The following STOX2 variants were observed in gnomAD, a reference collection of about 807,000 sequenced individuals.
STOX2 encodes the protein storkhead-box protein 2.
STOX2 carries 28 observed loss-of-function variants against 60.9 expected under a neutral mutation model. The observed-to-expected ratio is 0.46, with a 90% CI of 0.34 to 0.63. STOX2 has a LOEUF of 0.63. Among genes scored for constraint, STOX2 ranks in the 30% least tolerant of loss-of-function variants. STOX2 has a pLI of 0.01. For missense variants in STOX2, 1,024 were observed against 1,187.7 expected (o/e 0.86, Z 2.03); for synonymous variants, 472 against 463.9 (o/e 1.02, Z -0.22).
intron 1 of STOX2, among the ~76,000 whole-genome samples, chr4:183,876,474 TTATGG>T (rs903702584): frequency 1.3e-4 from 20 of 152,202 alleles, no homozygotes; most frequent in Admixed American, 1.3e-3. Context: ...TATTCCTTGT[TTATGG>T]TATTAATAAC....
chr4:183,879,860 A>G (rs570051713), intron 1 of STOX2, among the ~76,000 whole-genome samples: 12 of 152,170 alleles, frequency 7.9e-5, no homozygotes, highest in South Asian at 4.2e-4. Flanking sequence ...GCGCATGGCA[A>G]TGAGAGGCGA....
chr4:183,908,600 T>TTTG (rs941374997), intron 1 of STOX2, among the ~76,000 whole-genome samples: 2 of 151,654 alleles, frequency 1.3e-5, no homozygotes, highest in African/African-American at 2.4e-5. Flanking sequence ...CAGTTTTTTT[T>TTTG]TTTTTTTTTT....
Position 184,009,558 on chromosome 4 carries a change from C to A in STOX2, c.720C>A (p.Ser240Arg). The A allele has an allele frequency of 6.2e-7, 1 of 1,613,860 alleles. No individual in the cohort carries two copies. Among genetic ancestry groups the A allele is most frequent in the Non-Finnish European group, 8.5e-7 (1 of 1,179,826 alleles). Residue 240 changes from serine (S) to arginine (R), a missense_variant, in exon 3 of 4, where the codon AGC becomes AGA. Ser to Arg is a moderately radical substitution (Grantham distance 110). This residue lies in a region of STOX2 where 922 missense variants were observed against 1,058.3 expected (regional missense o/e 0.87). Transcript: ENST00000308497. This position sits in a 1 kb window ranked among gnomAD's most constrained non-coding sequence, Gnocchi z 4.0. Reference protein sequence around the residue: ...SLCQVPPTEKSKSTVNFSYKT... With the variant: ...SLCQVPPTEKRKSTVNFSYKT... ...GCCAGGTGCCACCCACTGAAAAGAGCAAAAGTACTGTAAATTTTTCCTATA... is the reference window on the plus strand; with the variant it reads ...GCCAGGTGCCACCCACTGAAAAGAGAAAAAGTACTGTAAATTTTTCCTATA...
intron 3 of STOX2, chr4:184,014,257 G>A (rs933464360): frequency 1.3e-5 from 2 of 152,066 alleles, no homozygotes; most frequent in African/African-American, 2.4e-5. Flanking sequence ...TAAAGGGTAT[G>A]TAGAAGGAAA....
At chr4:183,817,947 C>T (rs1404905166) in intron 1 of STOX2, among the ~76,000 whole-genome samples, 1 of 152,048 alleles carries the variant, frequency 6.6e-6, no homozygotes, top group African/African-American at 2.4e-5. Context: ...CCCCACCTCA[C>T]GCAGCAGAAC....
At chr4:183,965,188 T>A (rs1414041736) in intron 1 of STOX2, among the ~76,000 whole-genome samples, 2 of 152,242 alleles carry the variant, frequency 1.3e-5, no homozygotes, top group East Asian at 3.8e-4. Flanking sequence ...ACAAGGCATG[T>A]GGAATGGTGA....
At chr4:183,931,630 G>A (rs181995943) in intron 1 of STOX2, among the ~76,000 whole-genome samples, 6 of 152,280 alleles carry the variant, frequency 3.9e-5, no homozygotes, top group Admixed American at 6.5e-5. Flanking sequence ...TCACTATACC[G>A]TAAAGGTAGT....
chr4:183,936,520 C>T (rs181689570), intron 1 of STOX2, among the ~76,000 whole-genome samples: 2 of 151,176 alleles, frequency 1.3e-5, no homozygotes, highest in African/African-American at 2.4e-5. Flanking sequence ...ACCAAAGTTG[C>T]TCAAAATTGG....
intron 1 of STOX2, among the ~76,000 whole-genome samples, chr4:183,961,448 G>T (rs931293066): frequency 6.6e-6 from 1 of 152,206 alleles, no homozygotes; most frequent in Non-Finnish European, 1.5e-5. Flanking sequence ...CGGCATGTGA[G>T]GAAGCTGGAT....
chr4:183,811,386 G>A (rs1739030374), intron 1 of STOX2, among the ~76,000 whole-genome samples: 1 of 152,204 alleles, frequency 6.6e-6, no homozygotes, highest in Admixed American at 6.5e-5. Flanking sequence ...GGCTCCCTCA[G>A]GCAATCCTAG....
chr4:183,947,341 C>T (rs1390470109), intron 1 of STOX2, among the ~76,000 whole-genome samples: 1 of 152,056 alleles, frequency 6.6e-6, no homozygotes, highest in Non-Finnish European at 1.5e-5. Flanking sequence ...ATGGAGCTCG[C>T]AGAGGGCTGA....
intron 1 of STOX2, among the ~76,000 whole-genome samples, chr4:183,812,909 C>T (rs1739067500): frequency 6.6e-6 from 1 of 152,118 alleles, no homozygotes; most frequent in East Asian, 1.9e-4. Flanking sequence ...CCAAGCATTT[C>T]AATGAAGATA....
At chr4:183,871,648 ATATGAAGTTTATTT>A (rs1207981046) in intron 1 of STOX2, among the ~76,000 whole-genome samples, 228 of 152,304 alleles carry the variant, frequency 1.5e-3, no homozygotes, top group African/African-American at 5.2e-3. Flanking sequence ...GGAGCAAAAC[ATATGAAGTTTATTT>A]TATTATTATT....
At chr4:183,804,353 G>A (rs1738836080) in intron 1 of STOX2, among the ~76,000 whole-genome samples, 1 of 152,184 alleles carries the variant, frequency 6.6e-6, no homozygotes, top group Admixed American at 6.5e-5. Context: ...CAATGAGGCA[G>A]GTATCCACCA....
chr4:183,838,594 C>T (rs1272470056), intron 1 of STOX2, among the ~76,000 whole-genome samples: 9 of 152,282 alleles, frequency 5.9e-5, no homozygotes, highest in East Asian at 1.9e-4. Flanking sequence ...CACAAATGGC[C>T]GATTACTTTG....
intron 1 of STOX2, among the ~76,000 whole-genome samples, chr4:183,926,869 G>A (rs1406641385): frequency 2.0e-5 from 3 of 152,126 alleles, no homozygotes; most frequent in East Asian, 1.9e-4. Context: ...TGATCTGCCC[G>A]CCTCGGCCTC....
chr4:183,986,818 C>T (rs1732864404), intron 1 of STOX2, among the ~76,000 whole-genome samples: 1 of 152,218 alleles, frequency 6.6e-6, no homozygotes, highest in Non-Finnish European at 1.5e-5. Context: ...TTCTGGAGGA[C>T]AGGCTGAATC....
chr4:183,840,454 C>T (rs1423076287), intron 1 of STOX2, among the ~76,000 whole-genome samples: 2 of 152,166 alleles, frequency 1.3e-5, no homozygotes, highest in African/African-American at 2.4e-5. Context: ...AGCCATCTGA[C>T]GTAGCCCCTT....
chr4:183,946,590 T>A (rs547177110), intron 1 of STOX2, among the ~76,000 whole-genome samples: 1 of 151,950 alleles, frequency 6.6e-6, no homozygotes, highest in African/African-American at 2.4e-5. Context: ...CTTGTTGTTA[T>A]TCCCTAAATA....
Sources: gnomAD v4.1 joint callset for allele counts (sites outside exome capture counted in the v4.1 genomes callset) on GRCh38, gnomAD v4.1.1 for gene constraint, gnomAD v4.1.1 regional missense constraint, Gnocchi (gnomAD v3.1) non-coding constraint, MANE v1.5 for transcripts, NCBI Gene and HGNC (gene_info 2026-07-23, HGNC 2026-07-21) for gene names.